TEX10: variants seen among roughly 807,000 people sequenced by gnomAD.
The protein encoded by TEX10 is testis-expressed protein 10.
In TEX10, 24 loss-of-function variants were observed where a neutral mutation model predicts 104.4. That is an observed-to-expected ratio of 0.23 (90% confidence interval 0.17 to 0.32). The LOEUF is 0.32. Ranked by LOEUF, TEX10 falls within the 10% of genes least tolerant of loss-of-function variation. The probability of loss-of-function intolerance (pLI) is 1.00; values close to 1 mark genes in which losing one functional copy is unlikely to be tolerated. For missense variants in TEX10, 921 were observed against 1,083.9 expected (o/e 0.85, Z 2.11); for synonymous variants, 396 against 393.4 (o/e 1.01, Z -0.08).
rs764784663 is a variant in TEX10 at position 100,303,698 on chromosome 9, A to G, written c.2610T>C (p.His870=). 6.2e-7 allele frequency: 1 copy of G among 1,614,122 alleles called. No individual in the cohort carries two copies. The highest frequency in any genetic ancestry group is 2.2e-5 in the East Asian group (1 of 44,876). Residue 870 remains histidine, a synonymous_variant, in exon 14 of 15, where the codon CAT becomes CAC. Transcript: ENST00000374902. ...VGQLLRLLLQ[H]APLRTHMLTN... ...TCAACATATGAGTCCTGAGGGGTGC[A>G]TGCTGAAGCAGCAGTCGAAGCAGCT...
intron 2 of TEX10, 108 bp downstream of exon 2, chr9:100,349,076 T>C (rs181264638): frequency 2.2e-6 from 2 of 917,602 alleles, no homozygotes; most frequent in Non-Finnish European, 3.0e-6. Context: ...CCTAAGACCC[T>C]AGGCAAACTA....
At chr9:100,310,256 A>G (rs374475435) in intron 12 of TEX10, 43 bp downstream of exon 12, 4 of 1,522,308 alleles carry the variant, frequency 2.6e-6, no homozygotes, top group Non-Finnish European at 2.7e-6. Flanking sequence ...TAACCAATGC[A>G]TCCTGTGTTC....
intron 11 of TEX10, among the ~76,000 whole-genome samples, chr9:100,312,306 T>C (rs1279634736): frequency 6.6e-6 from 1 of 152,172 alleles, no homozygotes; most frequent in Non-Finnish European, 1.5e-5. Flanking sequence ...AGTGCTGAGA[T>C]GGCCCAGAGT....
chr9:100,339,245 CAAAAAAAAAAAA>C (rs1182764934), intron 5 of TEX10, among the ~76,000 whole-genome samples: 5 of 29,410 alleles, frequency 1.7e-4, no homozygotes, highest in Non-Finnish European at 2.9e-4. Context: ...GACTCCATCT[CAAAAAAAAAAAA>C]AAAAAAAAAA....
chr9:100,348,346 A>G (rs898101134), intron 2 of TEX10, among the ~76,000 whole-genome samples: 1 of 152,250 alleles, frequency 6.6e-6, no homozygotes, highest in African/African-American at 2.4e-5. Flanking sequence ...TTAAGGTGAT[A>G]GTAGCATAAC....
intron 14 of TEX10, among the ~76,000 whole-genome samples, chr9:100,302,576 C>T (rs1834017311): frequency 6.6e-6 from 1 of 152,178 alleles, no homozygotes; most frequent in Non-Finnish European, 1.5e-5. Flanking sequence ...ATTTCACCAC[C>T]AACCATCCCT....
chr9:100,324,637 C>T (rs932233500), intron 9 of TEX10, among the ~76,000 whole-genome samples: 1 of 151,978 alleles, frequency 6.6e-6, no homozygotes, highest in African/African-American at 2.4e-5. Context: ...AGCAAAAAAA[C>T]CCCAAGATTT....
At chr9:100,307,439 C>T (rs1834168674) in intron 13 of TEX10, 1 of 152,094 alleles carries the variant, frequency 6.6e-6, no homozygotes, top group African/African-American at 2.4e-5. Flanking sequence ...CTTTGCTGAA[C>T]CCTGGTATGG....
At chr9:100,330,354 G>T (rs1045853993) in intron 5 of TEX10, among the ~76,000 whole-genome samples, 185 bp from the exon 6 acceptor site, 1 of 152,188 alleles carries the variant, frequency 6.6e-6, no homozygotes, top group Non-Finnish European at 1.5e-5. Context: ...TTTCATTATG[G>T]AATCAGAGTT....
At chr9:100,352,546 C>G (rs1463673519) in intron 1 of TEX10, 2 of 1,545,860 alleles carry the variant, frequency 1.3e-6, no homozygotes, top group Admixed American at 2.0e-5. Flanking sequence ...CAGGCGAACC[C>G]GCCCAGTCAC....
chr9:100,350,087 C>T (rs539144429), intron 1 of TEX10, among the ~76,000 whole-genome samples: 2 of 152,292 alleles, frequency 1.3e-5, no homozygotes, highest in South Asian at 2.1e-4. Flanking sequence ...GGAACAAAGA[C>T]CAGCTAAGCC....
chr9:100,337,395 T>C (rs1835037440), intron 5 of TEX10, among the ~76,000 whole-genome samples: 1 of 152,222 alleles, frequency 6.6e-6, no homozygotes, highest in Non-Finnish European at 1.5e-5. Flanking sequence ...TGATGAAAAT[T>C]ATACATGGAA....
rs778537874 is a variant in TEX10 at position 100,349,198 on chromosome 9, T to C, written c.166A>G (p.Lys56Glu). The C allele has an allele frequency of 1.9e-6, 3 of 1,546,922 alleles. No individual in the cohort carries two copies. Among genetic ancestry groups the C allele is most frequent in the Non-Finnish European group, 2.6e-6 (3 of 1,155,874 alleles). Residue 56 changes from lysine (K) to glutamate (E), a missense_variant, in exon 2 of 15, where the codon AAA becomes GAA. This residue lies in a region of TEX10 where 118 missense variants were observed against 111.3 expected (regional missense o/e 1.06). Coordinates refer to ENST00000374902, the MANE Select transcript of TEX10 (RefSeq NM_017746.4). ...EDGTLPTNNR[K>E]LNIKDLLSQM... The stretch of plus-strand genomic sequence containing the variant: ...TTATGATTTACCTTTATGTTAAGTT[T>C]TCTATTGTTTGTTGGAAGTGTTCCA...
At chr9:100,314,389 A>G (rs1834361359) in intron 11 of TEX10, among the ~76,000 whole-genome samples, 1 of 152,038 alleles carries the variant, frequency 6.6e-6, no homozygotes. Flanking sequence ...CCCGGCCTGG[A>G]GATTTTTTTA....
chr9:100,322,011 A>G (rs777109268), intron 9 of TEX10, among the ~76,000 whole-genome samples: 3 of 152,218 alleles, frequency 2.0e-5, no homozygotes, highest in Non-Finnish European at 4.4e-5. Flanking sequence ...CTTGATCAAC[A>G]TATATAGTAC....
intron 9 of TEX10, 140 bp downstream of exon 9, chr9:100,326,162 A>T: frequency 1.2e-6 from 1 of 815,494 alleles, no homozygotes; most frequent in Non-Finnish European, 1.8e-6. Flanking sequence ...TACTCTACCT[A>T]GTGATATAGT....
intron 4 of TEX10, 50 bp downstream of exon 4, chr9:100,346,022 A>G: frequency 6.5e-7 from 1 of 1,543,840 alleles, no homozygotes; most frequent in Non-Finnish European, 8.7e-7. Context: ...CTTGCCATTT[A>G]TGATAAAAGG....
intron 10 of TEX10, among the ~76,000 whole-genome samples, chr9:100,321,421 A>G (rs1479398831): frequency 3.3e-5 from 5 of 152,212 alleles, no homozygotes; most frequent in Admixed American, 2.6e-4. Flanking sequence ...CATGACATTC[A>G]AATAATGCTC....
Position 100,309,861 on chromosome 9 carries a change from T to C in TEX10, c.2283+438A>G, listed in dbSNP as rs538645819. ...TCCAATATCAAATAACAGGTCAGTC[T>C]CAGGGTTGAGTCTACAGCTGCCAGT... On this transcript the variant is annotated intron_variant, in intron 12 of 14. Coordinates refer to ENST00000374902, the MANE Select transcript of TEX10 (RefSeq NM_017746.4). Among the ~76,000 whole-genome samples the C allele has an allele frequency of 1.3e-5, 2 of 152,316 alleles. 1 individual carries two copies. The highest frequency in any genetic ancestry group is 4.1e-4 in the South Asian group (2 of 4,822).
Sources: gnomAD v4.1 joint callset for allele counts (sites outside exome capture counted in the v4.1 genomes callset) on GRCh38, gnomAD v4.1.1 for gene constraint, gnomAD v4.1.1 regional missense constraint, MANE v1.5 for transcripts, NCBI Gene and HGNC (gene_info 2026-07-23, HGNC 2026-07-21) for gene names.